The following PDE6H variants were observed in gnomAD, a reference collection of about 807,000 sequenced individuals.
The protein encoded by PDE6H is retinal cone rhodopsin-sensitive cGMP 3',5'-cyclic phosphodiesterase subunit gamma.
A neutral mutation model predicts 9.2 loss-of-function variants in PDE6H; 11 were observed. That is an observed-to-expected ratio of 1.19 (90% CI 0.75 to 1.97). The LOEUF (loss-of-function observed/expected upper bound fraction) is 1.97. PDE6H is among the 30% of genes most tolerant of loss of function. The pLI is 0.00. For synonymous variants in PDE6H, 36 were observed against 33.6 expected (o/e 1.07, Z -0.25); for missense variants, 98 against 101.5 (o/e 0.97, Z 0.15).
intron 1 of PDE6H, among the ~76,000 whole-genome samples, chr12:14,977,712 T>C (rs1466787600): frequency 6.6e-6 from 1 of 152,242 alleles, no homozygotes; most frequent in Non-Finnish European, 1.5e-5. Context: ...CAATTGTCCG[T>C]TTACACAACT....
At chr12:14,977,623 T>A (rs968142280) in intron 1 of PDE6H, among the ~76,000 whole-genome samples, 3 of 152,260 alleles carry the variant, frequency 2.0e-5, no homozygotes, top group African/African-American at 7.2e-5. Context: ...TAATTTAATT[T>A]ATTTATTTAA....
chr12:14,981,071 A>G (rs1864675259), intron 3 of PDE6H, among the ~76,000 whole-genome samples: 1 of 152,226 alleles, frequency 6.6e-6, no homozygotes, highest in Non-Finnish European at 1.5e-5. Flanking sequence ...CCTGACTAGA[A>G]TTCCACTTCT....
chr12:14,978,973 A>G (rs1278688551), intron 2 of PDE6H, among the ~76,000 whole-genome samples: 1 of 152,174 alleles, frequency 6.6e-6, no homozygotes, highest in Non-Finnish European at 1.5e-5. Context: ...CCTACAGGAG[A>G]GAAATATCTC....
At chr12:14,980,135 CCTT>C (rs1271004053) in intron 3 of PDE6H, among the ~76,000 whole-genome samples, 2 of 152,192 alleles carry the variant, frequency 1.3e-5, no homozygotes, top group South Asian at 2.1e-4. Flanking sequence ...ACCCGGTCAT[CCTT>C]CTCTCTCTCT....
rs1864686898 is a variant in PDE6H, at chr12:14,981,650, C to A, written c.*174C>A. On this transcript the variant is annotated 3_prime_UTR_variant, in exon 4 of 4. Coordinates refer to ENST00000266395, the MANE Select transcript of PDE6H (RefSeq NM_006205.3). ...TCTCTTACTGTCAGAATCTCTCTTGCAGTACAGCTCAAAATAGTGGATGCA... is the reference window on the plus strand; with the variant it reads ...TCTCTTACTGTCAGAATCTCTCTTGAAGTACAGCTCAAAATAGTGGATGCA... 3.0e-6 allele frequency: 2 copies of A among 661,064 alleles called. No homozygotes were observed. The highest frequency in any genetic ancestry group is 2.7e-5 in the East Asian group (1 of 36,768). The allele number at this position is 661,064 out of a possible 1,614,324, so 40.9% of individuals were successfully genotyped here. A position where few individuals can be genotyped will look rare whatever the true frequency, so the allele number is the denominator to read the frequency against.
intron 2 of PDE6H, among the ~76,000 whole-genome samples, chr12:14,978,732 C>A (rs775010977): frequency 2.6e-5 from 4 of 152,034 alleles, no homozygotes; most frequent in African/African-American, 4.8e-5. Flanking sequence ...AGGCTAAGAC[C>A]ACTCAGAAAA....
intron 1 of PDE6H, among the ~76,000 whole-genome samples, chr12:14,974,893 A>T (rs1194266759): frequency 1.3e-5 from 2 of 152,248 alleles, no homozygotes; most frequent in Non-Finnish European, 2.9e-5. Flanking sequence ...CTTTTCTCTC[A>T]GAAGGTCTAG....
intron 1 of PDE6H, among the ~76,000 whole-genome samples, chr12:14,976,191 A>G (rs902403619): frequency 1.3e-5 from 2 of 152,156 alleles, no homozygotes; most frequent in African/African-American, 4.8e-5. Flanking sequence ...ACTGTACACC[A>G]TGCACTGTTG....
intron 1 of PDE6H, among the ~76,000 whole-genome samples, chr12:14,975,860 G>A (rs1416481118): frequency 5.0e-5 from 7 of 138,852 alleles, no homozygotes; most frequent in Admixed American, 7.8e-5. Flanking sequence ...TTGCCCTGTC[G>A]CCCAGGCTGG....
At chr12:14,977,169 G>A (rs887747231) in intron 1 of PDE6H, among the ~76,000 whole-genome samples, 37 of 152,164 alleles carry the variant, frequency 2.4e-4, no homozygotes, top group African/African-American at 8.0e-4. Flanking sequence ...CTGTATGTGC[G>A]TGTGTATTAA....
rs1267502423 is a variant in PDE6H, at chr12:14,981,487, G to T, written c.*11G>T. On this transcript the variant is annotated 3_prime_UTR_variant, in exon 4 of 4. Transcript: ENST00000266395. ...TTTGGGATTATCTGAAGTGCCAGAG[G>T]TTCTGCCACTCTCAATGACATCTGC... is the stretch of plus-strand genomic sequence containing the variant. 1.3e-6 allele frequency: 2 copies of T among 1,596,088 alleles called. No individual in the cohort carries two copies. The highest frequency in any genetic ancestry group is 2.7e-5 in the African/African-American group (2 of 74,580).
In PDE6H at chr12:14,978,680, T is replaced by G. The variant is rs138017945; in HGVS notation, c.135-499T>G. Among the ~76,000 whole-genome samples, 6 of 152,310 alleles carry G rather than the reference T, an allele frequency of 3.9e-5. No individual in the cohort carries two copies. The East Asian group carries it at 1.2e-3, about 29-fold the overall frequency. ...ATTTTGTACATTCAGCTATCATAAC[T>G]TACATTATATCTTATATTTATTTAT... On this transcript the variant is annotated intron_variant, in intron 2 of 3. Transcript: ENST00000266395.
At chr12:14,975,962 A>G (rs2120820938) in intron 1 of PDE6H, among the ~76,000 whole-genome samples, 1 of 151,794 alleles carries the variant, frequency 6.6e-6, no homozygotes, top group Non-Finnish European at 1.5e-5. Flanking sequence ...CTGGGACTAC[A>G]GGTGCCCGCC....
chr12:14,978,126 T>A lies in PDE6H; in HGVS notation c.114T>A (p.Pro38=), dbSNP rs1317913854. 1 of 1,613,494 alleles carries A rather than the reference T, an allele frequency of 6.2e-7. No homozygotes were observed. The highest frequency in any genetic ancestry group is 1.3e-5 in the African/African-American group (1 of 74,832). Residue 38 remains proline (P), a synonymous_variant, in exon 2 of 4, where the codon CCT becomes CCA. Transcript: ENST00000266395. ...QRQTRQFKSK[P]PKKGVKGFGD... is the part of the protein sequence containing the mutation. The stretch of plus-strand genomic sequence containing the variant: ...AGACTCGCCAATTCAAGAGTAAACC[T>A]CCAAAGAAAGGTGTGAAAGGGTAAG...
Position 14,981,675 on chromosome 12 carries a change from A to G in PDE6H, c.*199A>G. ...CAGTACAGCTCAAAATAGTGGATGC[A>G]TTTCAAACTTGACCACCTTTTCCTA... On this transcript the variant is annotated 3_prime_UTR_variant, in exon 4 of 4. Transcript: ENST00000266395. The G allele has an allele frequency of 1.6e-6, 1 of 620,586 alleles. No homozygotes were observed. The highest frequency in any genetic ancestry group is 2.9e-6 in the Non-Finnish European group (1 of 345,362). 38.4% of individuals were successfully genotyped at this position (620,586 alleles called of 1,614,324 possible). A position where few individuals can be genotyped will look rare whatever the true frequency, so the allele number is the denominator to read the frequency against.
chr12:14,979,922 T>C (rs1233201208), intron 3 of PDE6H, among the ~76,000 whole-genome samples: 2 of 152,220 alleles, frequency 1.3e-5, no homozygotes, highest in East Asian at 3.8e-4. Context: ...TCCTCTATTA[T>C]TAACATCTTG....
rs760590114 is a variant in PDE6H, at chr12:14,977,903, TA to T, written c.-41-66del. 5.3e-4 allele frequency: 579 copies of T among 1,084,360 alleles called. 1 individual carries two copies. Among genetic ancestry groups the T allele is most frequent in the Admixed American group, 2.2e-3 (101 of 45,594 alleles). The allele number at this position is 1,084,360 out of a possible 1,614,324, so 67.2% of individuals were successfully genotyped here. On this transcript the variant is annotated intron_variant, in intron 1 of 3. Coordinates refer to ENST00000266395, the MANE Select transcript of PDE6H (RefSeq NM_006205.3). Reference sequence around the variant, plus strand: ...AGTACTTTTCTTCTCCAGCCTGAAATAAAGATCTAATAACCAATGGTCCCCA... The same window carrying T: ...AGTACTTTTCTTCTCCAGCCTGAAATAAGATCTAATAACCAATGGTCCCCA...
chr12:14,976,932 A>G (rs975171020), intron 1 of PDE6H, among the ~76,000 whole-genome samples: 2 of 152,220 alleles, frequency 1.3e-5, no homozygotes, highest in Non-Finnish European at 2.9e-5. Context: ...ATGACACATT[A>G]ATTGCTTAAA....
rs201663630 is a variant in PDE6H at position 14,981,494 on chromosome 12, C to T, written c.*18C>T. The stretch of plus-strand genomic sequence containing the variant: ...TTATCTGAAGTGCCAGAGGTTCTGC[C>T]ACTCTCAATGACATCTGCTGTAATT... On this transcript the variant is annotated 3_prime_UTR_variant, in exon 4 of 4. Coordinates refer to ENST00000266395, the MANE Select transcript of PDE6H (RefSeq NM_006205.3). The T allele has an allele frequency of 1.0e-5, 16 of 1,581,090 alleles. No individual in the cohort carries two copies. In the East Asian group the frequency reaches 3.6e-4, roughly 35 times the overall value.
Sources: gnomAD v4.1 joint callset for allele counts (sites outside exome capture counted in the v4.1 genomes callset) on GRCh38, gnomAD v4.1.1 for gene constraint, MANE v1.5 for transcripts, NCBI Gene and HGNC (gene_info 2026-07-23, HGNC 2026-07-21) for gene names.